The following GALNT13 variants were observed in gnomAD, a reference collection of about 807,000 sequenced individuals.
GALNT13 encodes polypeptide N-acetylgalactosaminyltransferase 13, also known as UDP-GalNAc:polypeptide N-acetylgalactosaminyltransferase 13.
GALNT13 carries 28 observed loss-of-function variants against 64.2 expected under a neutral mutation model. The ratio of observed to expected loss-of-function variants is 0.44; its 90% CI spans 0.32 to 0.60. GALNT13 has a LOEUF of 0.60. GALNT13 is among the 20% of genes least tolerant of loss of function. The probability of loss-of-function intolerance (pLI) is 0.05; values close to 1 mark genes in which losing one functional copy is unlikely to be tolerated. For synonymous variants in GALNT13, 214 were observed against 224.6 expected (o/e 0.95, Z 0.42); for missense variants, 577 against 669.8 (o/e 0.86, Z 1.53).
intron 3 of GALNT13, among the ~76,000 whole-genome samples, chr2:153,964,081 C>A (rs1014509008): frequency 1.3e-5 from 2 of 151,466 alleles, no homozygotes; most frequent in Non-Finnish European, 2.9e-5. Context: ...TTTTCCCCCC[C>A]AAAAGAAACC....
chr2:154,173,372 TTTAAATTAAA>T lies in GALNT13; in HGVS notation c.311+32882_311+32891del, dbSNP rs146885826. Reference sequence around the variant, plus strand: ...AAATTTAATTAATTAAATTTAAATTTTTAAATTAAATTAAATTAAATTAATAGATTGAATT... The same window carrying T: ...AAATTTAATTAATTAAATTTAAATTTTTAAATTAAATTAATAGATTGAATT... On this transcript the variant is annotated intron_variant, in intron 4 of 12. Transcript: ENST00000392825. 4.9e-4 allele frequency among the ~76,000 whole-genome samples: 74 copies of T among 151,536 alleles called. No individual in the cohort carries two copies. In the Middle Eastern group the frequency reaches 0.01, roughly 21 times the overall value.
chr2:154,332,380 G>A (rs1179389691), intron 9 of GALNT13, among the ~76,000 whole-genome samples: 2 of 151,946 alleles, frequency 1.3e-5, no homozygotes, highest in Non-Finnish European at 2.9e-5. Flanking sequence ...AGTCTCCTCA[G>A]CAACATCTGT....
At chr2:154,216,424 A>T (rs867995093) in intron 4 of GALNT13, among the ~76,000 whole-genome samples, 40 of 152,238 alleles carry the variant, frequency 2.6e-4, no homozygotes, top group Middle Eastern at 3.4e-3. Flanking sequence ...AAAATTTAAG[A>T]CGTTGGTGAA....
At chr2:154,144,963 T>C (rs1683479583) in intron 4 of GALNT13, among the ~76,000 whole-genome samples, 1 of 151,350 alleles carries the variant, frequency 6.6e-6, no homozygotes, top group African/African-American at 2.4e-5. Flanking sequence ...ATGTTACTTT[T>C]ATATTTTAAG....
At chr2:153,978,122 G>T (rs1694198165) in intron 3 of GALNT13, among the ~76,000 whole-genome samples, 1 of 152,144 alleles carries the variant, frequency 6.6e-6, no homozygotes, top group Non-Finnish European at 1.5e-5. Context: ...TGAATTTAAT[G>T]CAAGGTAAAT....
chr2:153,154,206 G>A, the GALNT13 span, among the ~76,000 whole-genome samples: 1 of 152,144 alleles, frequency 6.6e-6, no homozygotes, highest in Admixed American at 6.5e-5. Context: ...ACTGATGTGG[G>A]CAGGTTTCTC....
intron 4 of GALNT13, among the ~76,000 whole-genome samples, chr2:154,194,896 T>C (rs1035308468): frequency 2.0e-5 from 3 of 151,144 alleles, no homozygotes; most frequent in South Asian, 2.1e-4. Flanking sequence ...CTGAGATTCA[T>C]GTACAGAACG....
chr2:153,940,301 A>C (rs1290591814), intron 2 of GALNT13, among the ~76,000 whole-genome samples: 1 of 144,096 alleles, frequency 6.9e-6, no homozygotes, highest in Non-Finnish European at 1.5e-5. Context: ...TCTGTTGCCC[A>C]GGCTGGGGTG....
the GALNT13 span, among the ~76,000 whole-genome samples, chr2:153,070,541 G>C: frequency 6.6e-6 from 1 of 152,118 alleles, no homozygotes; most frequent in Non-Finnish European, 1.5e-5. Context: ...GCTAATAATA[G>C]GGGAAATTGT....
Position 154,149,021 on chromosome 2 carries a change from G to C in GALNT13, c.311+8516G>C, listed in dbSNP as rs7422999. On this transcript the variant is annotated intron_variant, in intron 4 of 12. Transcript: ENST00000392825. Reference sequence around the variant, plus strand: ...CCTGCCCATGCCTATGTGCTGAATGGTAATGCCTAGGTTTTCTTCTAGGGT... The same window carrying C: ...CCTGCCCATGCCTATGTGCTGAATGCTAATGCCTAGGTTTTCTTCTAGGGT... Among the ~76,000 whole-genome samples the C allele has an allele frequency of 0.056, 8,586 of 152,212 alleles. 1,148 individuals are homozygous for C. In the East Asian group the frequency reaches 0.6, roughly 11 times the overall value.
chr2:154,163,912 T>G lies in GALNT13; in HGVS notation c.311+23407T>G, dbSNP rs569988619. Among the ~76,000 whole-genome samples the G allele has an allele frequency of 2.0e-5, 3 of 152,338 alleles. No homozygotes were observed. The East Asian group carries it at 5.8e-4, about 29-fold the overall frequency. The stretch of plus-strand genomic sequence containing the variant: ...TGTATTTCATAGGTCTTAGTTTTTT[T>G]GTTTATAAAATAATAGTATTGACTT... On this transcript the variant is annotated intron_variant, in intron 4 of 12. Coordinates refer to ENST00000392825, the MANE Select transcript of GALNT13 (RefSeq NM_052917.4).
chr2:153,803,703 A>G, the GALNT13 span, among the ~76,000 whole-genome samples: 2 of 150,634 alleles, frequency 1.3e-5, no homozygotes, highest in Admixed American at 6.6e-5. Context: ...AAAAAAAAAA[A>G]AAAAAGAAAA....
chr2:153,981,380 T>C (rs113303758), intron 3 of GALNT13, among the ~76,000 whole-genome samples: 28,762 of 151,814 alleles, frequency 0.19, 3,377 homozygotes, highest in African/African-American at 0.32. Context: ...GCCCACCCCA[T>C]AACAGGCCCT....
At chr2:154,411,404 C>A (rs966112482) in intron 11 of GALNT13, among the ~76,000 whole-genome samples, 1 of 149,360 alleles carries the variant, frequency 6.7e-6, no homozygotes, top group Non-Finnish European at 1.5e-5. Flanking sequence ...ACAATGGAAA[C>A]AATTCAGTAT....
At chr2:153,439,626 G>T in the GALNT13 span, among the ~76,000 whole-genome samples, 1 of 152,176 alleles carries the variant, frequency 6.6e-6, no homozygotes, top group African/African-American at 2.4e-5. Context: ...GCCATGTGTG[G>T]GATATAATCT....
intron 4 of GALNT13, among the ~76,000 whole-genome samples, chr2:154,220,611 G>A (rs1688274142): frequency 6.6e-6 from 1 of 151,986 alleles, no homozygotes; most frequent in Non-Finnish European, 1.5e-5. Context: ...TTATGAACTT[G>A]GGATAGAAGC....
At chr2:154,120,134 G>A (rs1015032368) in intron 3 of GALNT13, among the ~76,000 whole-genome samples, 5 of 152,048 alleles carry the variant, frequency 3.3e-5, no homozygotes, top group Non-Finnish European at 5.9e-5. Context: ...TGTGATTCTG[G>A]AATGGCACTC....
At chr2:153,858,909 T>A in the GALNT13 span, among the ~76,000 whole-genome samples, 2 of 151,966 alleles carry the variant, frequency 1.3e-5, no homozygotes, top group African/African-American at 4.8e-5. Flanking sequence ...ATTTTTGTAT[T>A]TTTTAGTAGA....
At chr2:153,484,340 A>G in the GALNT13 span, among the ~76,000 whole-genome samples, 6 of 152,190 alleles carry the variant, frequency 3.9e-5, no homozygotes, top group Non-Finnish European at 7.3e-5. Context: ...CATTATGTGA[A>G]CATACTATAA....
Sources: gnomAD v4.1 joint callset for allele counts (sites outside exome capture counted in the v4.1 genomes callset) on GRCh38, gnomAD v4.1.1 for gene constraint, MANE v1.5 for transcripts, NCBI Gene and HGNC (gene_info 2026-07-23, HGNC 2026-07-21) for gene names.